RHNO1: variants seen among roughly 807,000 people sequenced by gnomAD.
The protein encoded by RHNO1 is RAD9-HUS1-RAD1 interacting nuclear orphan 1.
In RHNO1, 9 loss-of-function variants were observed where a neutral mutation model predicts 7.2. That is an observed-to-expected ratio of 1.25 (90% CI 0.75 to 2.18). The LOEUF (loss-of-function observed/expected upper bound fraction) is 2.18, where lower values mean the gene tolerates loss of function less well. RHNO1 is among the 30% of genes most tolerant of loss of function. The pLI is 0.00. For synonymous variants in RHNO1, 95 were observed against 107.5 expected (o/e 0.88, Z 0.72); for missense variants, 292 against 284.5 (o/e 1.03, Z -0.19).
intron 2 of RHNO1, among the ~76,000 whole-genome samples, chr12:2,887,542 G>C (rs769861632): frequency 1.3e-5 from 2 of 151,966 alleles, no homozygotes; most frequent in East Asian, 1.9e-4. Context: ...CCAGCTACTC[G>C]GGAAGCTGAA....
intron 1 of RHNO1, among the ~76,000 whole-genome samples, chr12:2,879,640 A>G (rs780783814): frequency 3.3e-5 from 5 of 151,560 alleles, no homozygotes; most frequent in East Asian, 3.9e-4. Context: ...AGCCTTACAC[A>G]TGTTGAATTT....
Position 2,888,312 on chromosome 12 carries a change from T to A in RHNO1, c.570T>A (p.Asn190Lys), listed in dbSNP as rs148199914. 1.2e-4 allele frequency: 193 copies of A among 1,614,132 alleles called. No individual in the cohort carries two copies. The highest frequency in any genetic ancestry group is 1.6e-4 in the Non-Finnish European group (188 of 1,180,030). Reference protein sequence around the residue: ...LSCTLHTGTPNSPEPGPVLVK... With the variant: ...LSCTLHTGTPKSPEPGPVLVK... ...GCACTCTTCACACTGGCACTCCTAA[T>A]AGCCCAGAGCCTGGACCTGTTCTGG... The change falls in exon 3 of 3, where the codon AAT (asparagine) becomes AAA (lysine). Residue 190 changes from asparagine to lysine, a missense_variant. Coordinates refer to ENST00000489288, the MANE Select transcript of RHNO1 (RefSeq NM_001252499.3).
intron 1 of RHNO1, among the ~76,000 whole-genome samples, chr12:2,878,814 T>C (rs555259772): frequency 6.6e-6 from 1 of 151,910 alleles, no homozygotes; most frequent in Admixed American, 6.6e-5. Context: ...AGTGTCAAGA[T>C]TTTCAGCTGC....
chr12:2,877,792 G>T (rs1175078084), intron 1 of RHNO1: 1 of 152,286 alleles, frequency 6.6e-6, no homozygotes, highest in Non-Finnish European at 1.5e-5. Flanking sequence ...GCCAGGCACC[G>T]CTAGGCCCTG....
At chr12:2,886,675 A>T (rs2098165972) in intron 2 of RHNO1, among the ~76,000 whole-genome samples, 1 of 151,224 alleles carries the variant, frequency 6.6e-6, no homozygotes, top group Non-Finnish European at 1.5e-5. Context: ...AAAAAAAAAA[A>T]AATAGAAACC....
chr12:2,877,011 C>T (rs908302471), upstream of RHNO1: 4 of 150,958 alleles, frequency 2.6e-5, no homozygotes, highest in African/African-American at 9.7e-5. Flanking sequence ...GGGCCCCGGA[C>T]GGGGGCTCGC....
chr12:2,887,805 T>C (rs2098167337), intron 2 of RHNO1, 106 bp from the exon 3 acceptor site: 2 of 887,860 alleles, frequency 2.3e-6, no homozygotes, highest in Admixed American at 6.0e-5. Context: ...AGTTTTGTGT[T>C]CATTACTACA....
chr12:2,876,572 TG>T (rs2098144258), upstream of RHNO1: 1 of 151,522 alleles, frequency 6.6e-6, no homozygotes, highest in South Asian at 2.1e-4. Context: ...AGCAGGGGAG[TG>T]TGTATGCAGG....
At chr12:2,877,848 G>C (rs1158897541) in intron 1 of RHNO1, 1 of 152,338 alleles carries the variant, frequency 6.6e-6, no homozygotes, top group Non-Finnish European at 1.5e-5. Flanking sequence ...TGGGCTCACA[G>C]CCCAATCCTG....
chr12:2,884,515 C>T (rs2098162987), intron 1 of RHNO1, among the ~76,000 whole-genome samples: 1 of 152,198 alleles, frequency 6.6e-6, no homozygotes, highest in African/African-American at 2.4e-5. Context: ...GCGTGAGCCA[C>T]CACTCCCAGC....
intron 1 of RHNO1, among the ~76,000 whole-genome samples, chr12:2,883,505 ATATATATTTTTTTTTTT>A (rs1367807968): frequency 1.3e-4 from 4 of 31,904 alleles, no homozygotes; most frequent in African/African-American, 5.2e-4. Context: ...ATATATATAT[ATATATATTTTTTTTTTT>A]TTTTTTTTTT....
intron 1 of RHNO1, among the ~76,000 whole-genome samples, chr12:2,882,396 C>CA (rs1157614221): frequency 5.3e-5 from 8 of 151,370 alleles, no homozygotes; most frequent in African/African-American, 1.9e-4. Flanking sequence ...GCAGGGAACT[C>CA]AGTTAGAAGG....
At chr12:2,885,172 C>T in intron 1 of RHNO1, 111 bp from the exon 2 acceptor site, 2 of 544,808 alleles carry the variant, frequency 3.7e-6, no homozygotes, top group Non-Finnish European at 6.5e-6. Context: ...GTATAGGAGG[C>T]TGTGCTCCCC....
Position 2,888,258 on chromosome 12 carries a change from A to T in RHNO1, c.516A>T (p.Gln172His). Residue 172 changes from glutamine (Q) to histidine (H), a missense_variant, in exon 3 of 3, where the codon CAA becomes CAT. By Grantham distance (24) the Gln-to-His change is conservative. Coordinates refer to ENST00000489288, the MANE Select transcript of RHNO1 (RefSeq NM_001252499.3). ...CTGTGAAGGAAGAACTCATTCCCCA[A>T]GATCAGAAGGAAAACAGCCTTCTAA... ...SSSVKEELIP[Q>H]DQKENSLLSC... is the part of the protein sequence containing the mutation. 6.2e-7 allele frequency: 1 copy of T among 1,614,154 alleles called. No individual in the cohort carries two copies. Among genetic ancestry groups the T allele is most frequent in the Non-Finnish European group, 8.5e-7 (1 of 1,180,030 alleles).
chr12:2,887,955 C>G lies in RHNO1; in HGVS notation c.213C>G (p.Ala71=), dbSNP rs1392113254. The G allele has an allele frequency of 6.2e-7, 1 of 1,611,494 alleles. No individual in the cohort carries two copies. Among genetic ancestry groups the G allele is most frequent in the Non-Finnish European group, 8.5e-7 (1 of 1,179,054 alleles). ...CAGCAGCAGGAAGCTTGTTCCCAGC[C>G]TACCAGAAACACCAAAACCGGGCGA... ...FDTAAGSLFP[A]YQKHQNRARH... The change falls in exon 3 of 3, where the codon GCC becomes GCG. Residue 71 remains alanine, a synonymous_variant. Coordinates refer to ENST00000489288, the MANE Select transcript of RHNO1 (RefSeq NM_001252499.3).
intron 1 of RHNO1, among the ~76,000 whole-genome samples, chr12:2,884,034 A>C (rs1355214212): frequency 6.6e-6 from 1 of 151,878 alleles, no homozygotes. Flanking sequence ...GTCCAAACTC[A>C]TATGGTGTCA....
chr12:2,882,678 GGACGAAAGAGTGA>G (rs1304004893), intron 1 of RHNO1, among the ~76,000 whole-genome samples: 76 of 151,126 alleles, frequency 5.0e-4, no homozygotes, highest in African/African-American at 1.7e-3. Flanking sequence ...ACTCCAGCCT[GGACGAAAGAGTGA>G]GACTCCGTCT....
intron 2 of RHNO1, among the ~76,000 whole-genome samples, chr12:2,887,601 T>C (rs1017563866): frequency 6.6e-6 from 1 of 151,806 alleles, no homozygotes; most frequent in African/African-American, 2.4e-5. Context: ...TGAGCCGAGA[T>C]GGTGCCGCTG....
chr12:2,878,734 G>A (rs994353833), intron 1 of RHNO1, among the ~76,000 whole-genome samples: 2 of 151,858 alleles, frequency 1.3e-5, no homozygotes, highest in African/African-American at 4.9e-5. Context: ...GAGTAAAAAA[G>A]GGGCATTAAG....
Sources: gnomAD v4.1 joint callset for allele counts (sites outside exome capture counted in the v4.1 genomes callset) on GRCh38, gnomAD v4.1.1 for gene constraint, MANE v1.5 for transcripts, NCBI Gene and HGNC (gene_info 2026-07-23, HGNC 2026-07-21) for gene names.